The following BRPF3 variants were observed in gnomAD, a reference collection of about 807,000 sequenced individuals.
The protein encoded by BRPF3 is bromodomain and PHD finger-containing protein 3.
BRPF3 carries 18 observed loss-of-function variants against 102.0 expected under a neutral mutation model. The observed-to-expected ratio is 0.18, with a 90% confidence interval of 0.12 to 0.26. BRPF3 has a LOEUF of 0.26. Ranked by LOEUF, BRPF3 falls within the 10% of genes least tolerant of loss-of-function variation. The pLI is 1.00. For missense variants in BRPF3, 1,147 were observed against 1,567.8 expected (o/e 0.73, Z 4.53); for synonymous variants, 570 against 614.2 (o/e 0.93, Z 1.06).
chr6:36,201,475 G>T lies in BRPF3; in HGVS notation c.1153G>T (p.Ala385Ser), dbSNP rs1296661318. Residue 385 changes from alanine (A) to serine (S), a missense_variant, in exon 2 of 13, where the codon GCC becomes TCC. Ala to Ser is a moderately conservative substitution (Grantham distance 99). Transcript: ENST00000357641. This position sits in a 1 kb window ranked among gnomAD's most constrained non-coding sequence, Gnocchi z 5.1. The stretch of plus-strand genomic sequence containing the variant: ...AGTGCGCAAGACTGCCTACTGTGAG[G>T]CCCACTCGCCACCAGGTGCGGCCAC... ...FTVRKTAYCE[A>S]HSPPGAATAR... 6.2e-7 allele frequency: 1 copy of T among 1,614,080 alleles called. No individual in the cohort carries two copies. Among genetic ancestry groups the T allele is most frequent in the African/African-American group, 1.3e-5 (1 of 74,926 alleles).
In BRPF3 at chr6:36,228,908, G is replaced by A. The variant is rs764095322; in HGVS notation, c.3286G>A (p.Asp1096Asn). 9.9e-6 allele frequency: 16 copies of A among 1,613,862 alleles called. No homozygotes were observed. In the African/African-American group the frequency reaches 1.9e-4, roughly 19 times the overall value. Residue 1096 changes from aspartate (D) to asparagine (N), a missense_variant, in exon 12 of 13, where the codon GAT becomes AAT. Coordinates refer to ENST00000357641, the MANE Select transcript of BRPF3 (RefSeq NM_015695.3). ...TCTTCTATTCTGCCTCCAGATCATC[G>A]ATCCCAAGATGCCCCGGGAGGGCCT... ...GYPSYPALII[D>N]PKMPREGLLH...
chr6:36,197,403 A>G (rs1251417011), intron 1 of BRPF3: 1 of 152,048 alleles, frequency 6.6e-6, no homozygotes, highest in African/African-American at 2.4e-5. Context: ...GTCGGACTCC[A>G]CGTCAGGCTG....
At chr6:36,224,248 C>A (rs1019582657) in intron 10 of BRPF3, among the ~76,000 whole-genome samples, 1 of 152,202 alleles carries the variant, frequency 6.6e-6, no homozygotes, top group East Asian at 1.9e-4. Flanking sequence ...GTAATATTTC[C>A]TTAGAAATAA....
In BRPF3 at chr6:36,230,079, C is replaced by T. The variant is rs564460807; in HGVS notation, c.3435-347C>T. On this transcript the variant is annotated intron_variant, in intron 12 of 12. Coordinates refer to ENST00000357641, the MANE Select transcript of BRPF3 (RefSeq NM_015695.3). The surrounding 1 kb of genome is among the most constrained non-coding windows in gnomAD (Gnocchi z 5.4). Reference sequence around the variant, plus strand: ...CGCCCCCTAATTCTCCAACGCAAGGCGAGGCTCAGAGCCCTCCAGGGTGGC... The same window carrying T: ...CGCCCCCTAATTCTCCAACGCAAGGTGAGGCTCAGAGCCCTCCAGGGTGGC... 2.1e-4 allele frequency among the ~76,000 whole-genome samples: 32 copies of T among 152,168 alleles called. No homozygotes were observed. Among genetic ancestry groups the T allele is most frequent in the Non-Finnish European group, 3.8e-4 (26 of 68,016 alleles).
intron 12 of BRPF3, among the ~76,000 whole-genome samples, chr6:36,229,561 G>A (rs145838706): frequency 2.3e-3 from 346 of 152,314 alleles, no homozygotes; most frequent in Middle Eastern, 6.8e-3. Context: ...AGCACTTCCA[G>A]TAGCTTCTGG....
At position 36,201,881 on chromosome 6, in the gene BRPF3, G is replaced by A. The variant is rs900429932; in HGVS notation, c.1448+111G>A. ...AGTTGGACACTATATCCTCCTCCCC[G>A]AATTTAAACTCTTCCTTTTGACCCC... On this transcript the variant is annotated intron_variant, in intron 2 of 12. Coordinates refer to ENST00000357641, the MANE Select transcript of BRPF3 (RefSeq NM_015695.3). The surrounding 1 kb of genome is among the most constrained non-coding windows in gnomAD (Gnocchi z 5.1). 58 of 1,437,542 alleles carry A rather than the reference G, an allele frequency of 4.0e-5. No homozygotes were observed. The African/African-American group carries it at 4.3e-4, about 11-fold the overall frequency. 89.0% of individuals were successfully genotyped at this position (1,437,542 alleles called of 1,614,324 possible).
chr6:36,223,707 C>A (rs1768633163), intron 10 of BRPF3, among the ~76,000 whole-genome samples: 1 of 152,064 alleles, frequency 6.6e-6, no homozygotes, highest in South Asian at 2.1e-4. Flanking sequence ...ATTTACTTAA[C>A]CATTCTATTG....
At position 36,213,965 on chromosome 6, in the gene BRPF3, C is replaced by A; in HGVS notation, c.2568C>A (p.Pro856=). 6.2e-7 allele frequency: 1 copy of A among 1,614,046 alleles called. No individual in the cohort carries two copies. Among genetic ancestry groups the A allele is most frequent in the South Asian group, 1.1e-5 (1 of 91,078 alleles). Residue 856 remains proline, a synonymous_variant, in exon 8 of 13, where the codon CCC becomes CCA. Coordinates refer to ENST00000357641, the MANE Select transcript of BRPF3 (RefSeq NM_015695.3). ...SLSEQESPPE[P]PTLKPINDSK... ...CTGAGCAAGAATCCCCCCCGGAGCC[C>A]CCTACTCTGAAACCCATTAATGATA...
rs369851333 is a variant in BRPF3, at chr6:36,200,445, C to T, written c.123C>T (p.Val41=). The T allele has an allele frequency of 4.5e-5, 73 of 1,614,214 alleles. No homozygotes were observed. The Middle Eastern group carries it at 6.6e-4, about 15-fold the overall frequency. ...TLTYAQAQRI[V]EVDIDGRLHR... ...CATATGCCCAGGCCCAGCGGATTGT[C>T]GAGGTAGACATTGATGGACGCCTGC... The change falls in exon 2 of 13, where the codon GTC becomes GTT. Residue 41 remains valine, a synonymous_variant. Coordinates refer to ENST00000357641, the MANE Select transcript of BRPF3 (RefSeq NM_015695.3). This position sits in a 1 kb window ranked among gnomAD's most constrained non-coding sequence, Gnocchi z 5.3.
chr6:36,217,407 A>G (rs190061341), intron 8 of BRPF3, among the ~76,000 whole-genome samples: 8 of 152,308 alleles, frequency 5.3e-5, no homozygotes, highest in Non-Finnish European at 8.8e-5. Flanking sequence ...GCCCTTATCC[A>G]TCTCTAGTCT....
chr6:36,228,956 C>G lies in BRPF3; in HGVS notation c.3334C>G (p.Pro1112Ala), dbSNP rs1284546115. The G allele has an allele frequency of 1.2e-6, 2 of 1,614,092 alleles. No individual in the cohort carries two copies. The change falls in exon 12 of 13, where the codon CCT (proline) becomes GCT (alanine). Residue 1112 changes from proline (P) to alanine (A), a missense_variant. By Grantham distance (27) the Pro-to-Ala change is conservative (BLOSUM62 -1). Around this residue, in one of 11 missense-constraint regions of BRPF3, gnomAD observed 85 missense variants for 172.9 expected, o/e 0.49. Transcript: ENST00000357641. Reference protein sequence around the residue: ...EGLLHNGVPIPVPPLDVLKLG... With the variant: ...EGLLHNGVPIAVPPLDVLKLG... ...CCTCCTGCACAATGGCGTTCCCATC[C>G]CTGTCCCCCCGCTGGACGTGCTGAA...
chr6:36,204,946 A>G lies in BRPF3; in HGVS notation c.1605+132A>G, dbSNP rs530897294. On this transcript the variant is annotated intron_variant, in intron 3 of 12. Transcript: ENST00000357641. Reference sequence around the variant, plus strand: ...CTTTGCCTACCTGTCTGGGTGGCCTATCCCAGGAACAACCCCCAGCACTAC... The same window carrying G: ...CTTTGCCTACCTGTCTGGGTGGCCTGTCCCAGGAACAACCCCCAGCACTAC... 8.9e-6 allele frequency: 11 copies of G among 1,230,088 alleles called. No homozygotes were observed. The Admixed American group carries it at 2.5e-4, about 28-fold the overall frequency. The allele number at this position is 1,230,088 out of a possible 1,614,324, so 76.2% of individuals were successfully genotyped here. A position where few individuals can be genotyped will look rare whatever the true frequency, so the allele number is the denominator to read the frequency against.
chr6:36,224,779 G>C (rs968523506), intron 10 of BRPF3, among the ~76,000 whole-genome samples: 1 of 152,216 alleles, frequency 6.6e-6, no homozygotes, highest in Non-Finnish European at 1.5e-5. Context: ...TTCTAGTTCA[G>C]AGGTCGGTAA....
rs1767644237 is a variant in BRPF3 at position 36,200,241 on chromosome 6, G to A, written c.-26-56G>A. 6.8e-7 allele frequency: 1 copy of A among 1,477,674 alleles called. No homozygotes were observed. Among genetic ancestry groups the A allele is most frequent in the Non-Finnish European group, 8.9e-7 (1 of 1,117,466 alleles). The allele number at this position is 1,477,674 out of a possible 1,614,324, so 91.5% of individuals were successfully genotyped here. On this transcript the variant is annotated intron_variant, in intron 1 of 12. Coordinates refer to ENST00000357641, the MANE Select transcript of BRPF3 (RefSeq NM_015695.3). The surrounding 1 kb of genome is among the most constrained non-coding windows in gnomAD (Gnocchi z 5.3). ...TGGTGGATGCTTGATCATATGGGAG[G>A]ATGAATGGGTGCATAAGGGCATCCA...
chr6:36,202,197 A>G (rs1331325490), intron 2 of BRPF3, among the ~76,000 whole-genome samples: 1 of 152,036 alleles, frequency 6.6e-6, no homozygotes, highest in Admixed American at 6.5e-5. Context: ...CTCCTCATGC[A>G]TGTTTTCAAA....
intron 4 of BRPF3, among the ~76,000 whole-genome samples, chr6:36,209,276 G>A (rs893285886): frequency 6.6e-6 from 1 of 152,200 alleles, no homozygotes; most frequent in Non-Finnish European, 1.5e-5. Flanking sequence ...CAAGTACAGA[G>A]TTAGTGTGGC....
Position 36,211,550 on chromosome 6 carries a change from TG to T in BRPF3, c.2476del (p.Asp826ThrfsTer34). The T allele has an allele frequency of 6.4e-7, 1 of 1,553,332 alleles. No individual in the cohort carries two copies. Among genetic ancestry groups the T allele is most frequent in the Non-Finnish European group, 8.7e-7 (1 of 1,147,820 alleles). On this transcript the variant is annotated frameshift_variant, in exon 7 of 13. Transcript: ENST00000357641. LOFTEE classifies it high-confidence loss of function. ...QALQEEPEDD[G>X]DRDDSKLPPP... The stretch of plus-strand genomic sequence containing the variant: ...CCTTGCAGGAGGAGCCAGAAGACGA[TG>T]GGGACAGAGGTGAGAGATAGTCACA...
rs900095017 is a variant in BRPF3 at position 36,200,143 on chromosome 6, A to T, written c.-26-154A>T. On this transcript the variant is annotated intron_variant, in intron 1 of 12. Coordinates refer to ENST00000357641, the MANE Select transcript of BRPF3 (RefSeq NM_015695.3). The surrounding 1 kb of genome is among the most constrained non-coding windows in gnomAD (Gnocchi z 5.3). ...TCACTTGAAGAAATGAAAGACTCAA[A>T]GGAAGTGAAGGAGCAAGCCATGTGG... Among the ~76,000 whole-genome samples, 9 of 152,210 alleles carry T rather than the reference A, an allele frequency of 5.9e-5. No individual in the cohort carries two copies. Among genetic ancestry groups the T allele is most frequent in the African/African-American group, 2.2e-4 (9 of 41,438 alleles).
intron 9 of BRPF3, among the ~76,000 whole-genome samples, chr6:36,218,802 C>T (rs1403517595): frequency 6.6e-6 from 1 of 152,176 alleles, no homozygotes; most frequent in Non-Finnish European, 1.5e-5. Flanking sequence ...AGCTCTTCTG[C>T]TGTCCTTGAG....
Sources: gnomAD v4.1 joint callset for allele counts (sites outside exome capture counted in the v4.1 genomes callset) on GRCh38, gnomAD v4.1.1 for gene constraint, gnomAD v4.1.1 regional missense constraint, Gnocchi (gnomAD v3.1) non-coding constraint, MANE v1.5 for transcripts, NCBI Gene and HGNC (gene_info 2026-07-23, HGNC 2026-07-21) for gene names.